Variants in MAPKBP1 observed in about 807,000 individuals in gnomAD.
The protein encoded by MAPKBP1 is mitogen-activated protein kinase binding protein 1, also known as mitogen-activated protein kinase-binding protein 1.
Under a neutral mutation model 170.5 loss-of-function variants are expected in MAPKBP1, and 71 were observed. The ratio of observed to expected loss-of-function variants is 0.42; its 90% confidence interval spans 0.34 to 0.51. MAPKBP1 has a LOEUF of 0.51. MAPKBP1 is among the 20% of genes least tolerant of loss of function. MAPKBP1 has a pLI of 0.06. For synonymous variants in MAPKBP1, 719 were observed against 757.9 expected, an observed-to-expected ratio of 0.95 and a Z score of 0.84; for missense variants, 1,598 against 1,933.0, an observed-to-expected ratio of 0.83 and a Z score of 3.25.
intron 9 of MAPKBP1, 67 bp downstream of exon 9, chr15:41,813,848 C>A: frequency 6.7e-7 from 1 of 1,489,494 alleles, no homozygotes; most frequent in Non-Finnish European, 9.0e-7. Flanking sequence ...CTTGTCAGTG[C>A]CTCAGGGAGC....
At chr15:41,822,190 G>T (rs368723261) in intron 25 of MAPKBP1, 35 bp from the exon 26 acceptor site, 3 of 1,605,798 alleles carry the variant, frequency 1.9e-6, no homozygotes, top group Non-Finnish European at 2.6e-6. Flanking sequence ...ACAGATGGGT[G>T]CAGTGCGATG....
chr15:41,802,042 C>T (rs2064604330), intron 3 of MAPKBP1, among the ~76,000 whole-genome samples: 1 of 152,054 alleles, frequency 6.6e-6, no homozygotes. Context: ...ATGGTGTAGC[C>T]GGTTGCGCCT....
chr15:41,823,567 C>T lies in MAPKBP1; in HGVS notation c.3719C>T (p.Ser1240Phe), dbSNP rs748015456. ...GATGGCCGTCCGTCTCGGCCTCACT[C>T]CTATCAGAACCCCACCACCAGTTCC... ...PADGRPSRPH[S>F]YQNPTTSSMA... The change falls in exon 29 of 31, where the codon TCC (serine) becomes TTC (phenylalanine). Residue 1240 changes from serine (S) to phenylalanine (F), a missense_variant. This residue lies in a region of MAPKBP1 where 942 missense variants were observed against 953.2 expected (regional missense o/e 0.99). Transcript: ENST00000457542. 9.3e-6 allele frequency: 15 copies of T among 1,614,058 alleles called. No individual in the cohort carries two copies. The East Asian group carries it at 2.9e-4, about 31-fold the overall frequency.
chr15:41,811,377 G>A, intron 5 of MAPKBP1, 142 bp downstream of exon 5: 1 of 858,324 alleles, frequency 1.2e-6, no homozygotes, highest in Non-Finnish European at 1.9e-6. Flanking sequence ...TTAAAATAGT[G>A]GTTCTCAAGC....
intron 2 of MAPKBP1, among the ~76,000 whole-genome samples, chr15:41,793,356 A>G (rs2152071997): frequency 6.6e-6 from 1 of 152,248 alleles, no homozygotes; most frequent in African/African-American, 2.4e-5. Context: ...ACGTGGTGGC[A>G]TGTGCCTGTA....
At chr15:41,774,654 C>T (rs1035933772) in intron 1 of MAPKBP1, 44 bp downstream of exon 1, 9 of 398,608 alleles carry the variant, frequency 2.3e-5, no homozygotes, top group African/African-American at 1.9e-4. Context: ...TAGCAGGGGC[C>T]TCAGAGGCGG....
chr15:41,802,727 G>A (rs1415204227), intron 3 of MAPKBP1, among the ~76,000 whole-genome samples: 1 of 152,296 alleles, frequency 6.6e-6, no homozygotes, highest in African/African-American at 2.4e-5. Flanking sequence ...GCCCTCCTTG[G>A]CCTCCCAAAG....
chr15:41,805,556 C>T (rs533168724), intron 3 of MAPKBP1, among the ~76,000 whole-genome samples: 1 of 152,338 alleles, frequency 6.6e-6, no homozygotes, highest in East Asian at 1.9e-4. Flanking sequence ...GTGTATCTGG[C>T]AGCTAAGAAG....
intron 1 of MAPKBP1, chr15:41,774,919 C>G: frequency 4.3e-6 from 2 of 462,040 alleles, no homozygotes; most frequent in South Asian, 5.1e-5. Context: ...ACGAGACCAA[C>G]TGGGGCCCAT....
rs1366272418 is a variant in MAPKBP1 at position 41,822,357 on chromosome 15, A to G, written c.3164A>G (p.Gln1055Arg). ...TATGGGCTACAGGAGGGCAGCCCCC[A>G]GACTCCAGACCAGGAGCAGTTTCTA... ...GPYGLQEGSP[Q>R]TPDQEQFLKQ... Residue 1055 changes from glutamine to arginine, a missense_variant, in exon 26 of 31, where the codon CAG becomes CGG. This residue lies in a region of MAPKBP1 where 942 missense variants were observed against 953.2 expected (regional missense o/e 0.99). Coordinates refer to ENST00000457542, the MANE Select transcript of MAPKBP1 (RefSeq NM_014994.3). 1.2e-6 allele frequency: 2 copies of G among 1,613,982 alleles called. No homozygotes were observed. Among genetic ancestry groups the G allele is most frequent in the African/African-American group, 1.3e-5 (1 of 74,924 alleles).
intron 3 of MAPKBP1, among the ~76,000 whole-genome samples, chr15:41,805,697 GA>G (rs1207386796): frequency 6.6e-6 from 1 of 152,220 alleles, no homozygotes; most frequent in Admixed American, 6.5e-5. Context: ...CACTGGGTGT[GA>G]CAGAATTCTC....
intron 29 of MAPKBP1, 76 bp from the exon 30 acceptor site, chr15:41,824,408 G>A: frequency 2.2e-6 from 3 of 1,371,768 alleles, no homozygotes; most frequent in Non-Finnish European, 3.0e-6. Flanking sequence ...GGTCTCTCCT[G>A]TTCTGAGTGT....
In MAPKBP1 at chr15:41,821,565, T is replaced by G; in HGVS notation, c.2719-19T>G. On this transcript the variant is annotated intron_variant, in intron 23 of 30. Transcript: ENST00000457542. ...ATCTGTCACCTCTGCTCTGTTAACA[T>G]CCCTTTGTGTGTTCCCAGAATGAAA... The G allele has an allele frequency of 6.2e-7, 1 of 1,608,412 alleles. No individual in the cohort carries two copies. The highest frequency in any genetic ancestry group is 2.2e-5 in the East Asian group (1 of 44,526).
Position 41,813,790 on chromosome 15 carries a change from T to C in MAPKBP1, c.980+9T>C. 6.4e-7 allele frequency: 1 copy of C among 1,574,650 alleles called. No individual in the cohort carries two copies. The highest frequency in any genetic ancestry group is 1.4e-5 in the African/African-American group (1 of 73,106). On this transcript the variant is annotated intron_variant, in intron 9 of 30. Coordinates refer to ENST00000457542, the MANE Select transcript of MAPKBP1 (RefSeq NM_014994.3). Reference sequence around the variant, plus strand: ...AGCGTCACCGAGGCCAGGTGAGCTATGTGGGCCCCCCTTCCTCCATTTGTA... The same window carrying C: ...AGCGTCACCGAGGCCAGGTGAGCTACGTGGGCCCCCCTTCCTCCATTTGTA...
chr15:41,816,082 T>G (rs79679184), intron 12 of MAPKBP1, among the ~76,000 whole-genome samples: 6 of 152,344 alleles, frequency 3.9e-5, no homozygotes, highest in African/African-American at 1.2e-4. Flanking sequence ...AAACTCAATA[T>G]AGGCGTGAGA....
At chr15:41,797,153 A>T (rs1444095477) in intron 2 of MAPKBP1, among the ~76,000 whole-genome samples, 1 of 152,144 alleles carries the variant, frequency 6.6e-6, no homozygotes, top group African/African-American at 2.4e-5. Context: ...TTGGAATTGG[A>T]TCATCTACCC....
chr15:41,804,966 C>G (rs2064665009), intron 3 of MAPKBP1, among the ~76,000 whole-genome samples: 1 of 152,210 alleles, frequency 6.6e-6, no homozygotes. Context: ...CACCTCCCTC[C>G]TTGTCTCCCT....
chr15:41,807,783 A>G (rs2064725483), intron 3 of MAPKBP1, among the ~76,000 whole-genome samples: 1 of 152,182 alleles, frequency 6.6e-6, no homozygotes, highest in Admixed American at 6.5e-5. Context: ...CACGCCTGTA[A>G]TCCCAACACT....
chr15:41,803,201 G>A (rs1596079386), intron 3 of MAPKBP1, among the ~76,000 whole-genome samples: 1 of 151,940 alleles, frequency 6.6e-6, no homozygotes, highest in African/African-American at 2.4e-5. Flanking sequence ...GATCACCTGA[G>A]GTCAGGAGTT....
Sources: gnomAD v4.1 joint callset for allele counts (sites outside exome capture counted in the v4.1 genomes callset) on GRCh38, gnomAD v4.1.1 for gene constraint, gnomAD v4.1.1 regional missense constraint, MANE v1.5 for transcripts, NCBI Gene and HGNC (gene_info 2026-07-23, HGNC 2026-07-21) for gene names.